STAM: variants seen among roughly 807,000 people sequenced by gnomAD.
The protein encoded by STAM is signal transducing adapter molecule 1.
Under a neutral mutation model 63.4 loss-of-function variants are expected in STAM, and 16 were observed. The ratio of observed to expected loss-of-function variants is 0.25; its 90% confidence interval spans 0.17 to 0.38. The LOEUF (loss-of-function observed/expected upper bound fraction) is 0.38, where lower values mean the gene tolerates loss of function less well. Ranked by LOEUF, STAM falls within the 10% of genes least tolerant of loss-of-function variation. The pLI is 1.00. For missense variants in STAM, 636 were observed against 657.1 expected (o/e 0.97, Z 0.35); for synonymous variants, 238 against 223.9 (o/e 1.06, Z -0.56).
chr10:17,659,200 C>G (rs1171926770), intron 1 of STAM, among the ~76,000 whole-genome samples: 1 of 151,966 alleles, frequency 6.6e-6, no homozygotes, highest in Admixed American at 6.6e-5. Flanking sequence ...TGTACCACTT[C>G]ATGTGTAATG....
At chr10:17,655,742 T>A (rs959163805) in intron 1 of STAM, among the ~76,000 whole-genome samples, 9 of 152,250 alleles carry the variant, frequency 5.9e-5, no homozygotes, top group African/African-American at 2.2e-4. Context: ...ATAAGAATCT[T>A]GGTATGAGTC....
chr10:17,660,354 G>A, intron 1 of STAM, 110 bp from the exon 2 acceptor site: 1 of 647,922 alleles, frequency 1.5e-6, no homozygotes. Flanking sequence ...CAACTATTCT[G>A]ATTTGTTGTT....
rs1589009685 is a variant in STAM at position 17,644,214 on chromosome 10, G to C, written c.-126G>C. 8 of 1,041,964 alleles carry C rather than the reference G, an allele frequency of 7.7e-6. No homozygotes were observed. Among genetic ancestry groups the C allele is most frequent in the Non-Finnish European group, 1.2e-5 (8 of 687,682 alleles). 64.5% of individuals were successfully genotyped at this position (1,041,964 alleles called of 1,614,324 possible). ...GTGGGGTTGGGTGAGAGGAGGAGCTGTCGCGGACCCTGTAGAGTCGGTCTC... is the reference window on the plus strand; with the variant it reads ...GTGGGGTTGGGTGAGAGGAGGAGCTCTCGCGGACCCTGTAGAGTCGGTCTC... On this transcript the variant is annotated 5_prime_UTR_variant, in exon 1 of 14. Coordinates refer to ENST00000377524, the MANE Select transcript of STAM (RefSeq NM_003473.4).
intron 7 of STAM, 123 bp downstream of exon 7, chr10:17,695,364 A>G (rs1425890321): frequency 2.3e-5 from 20 of 872,126 alleles, no homozygotes; most frequent in Admixed American, 1.6e-4. Context: ...GCTGCTCTGT[A>G]TGACAGTTGG....
At chr10:17,667,128 AT>A (rs34207861) in intron 2 of STAM, among the ~76,000 whole-genome samples, 221 of 148,792 alleles carry the variant, frequency 1.5e-3, no homozygotes, top group African/African-American at 4.6e-3. Context: ...GAGTTAAATA[AT>A]TTTTTTTTTT....
In STAM at chr10:17,665,821, A is replaced by G. The variant is rs1834352069; in HGVS notation, c.125+5273A>G. Among the ~76,000 whole-genome samples, 5 of 151,984 alleles carry G rather than the reference A, an allele frequency of 3.3e-5. No homozygotes were observed. In the South Asian group the frequency reaches 1.0e-3, roughly 32 times the overall value. On this transcript the variant is annotated intron_variant, in intron 2 of 13. Coordinates refer to ENST00000377524, the MANE Select transcript of STAM (RefSeq NM_003473.4). ...TTGATTATACCAAACCTAAAACTTT[A>G]ACAAACATTCTGAAATTTTTTTCTA...
At chr10:17,683,217 A>G (rs781810428) in intron 2 of STAM, among the ~76,000 whole-genome samples, 19 of 152,108 alleles carry the variant, frequency 1.2e-4, no homozygotes, top group Non-Finnish European at 2.1e-4. Context: ...AGGATGGAGT[A>G]CGGTGGTGCC....
At chr10:17,694,809 T>G (rs1181155898) in intron 6 of STAM, 10 of 376,572 alleles carry the variant, frequency 2.7e-5, no homozygotes, top group African/African-American at 2.1e-4. Context: ...ACATTGTATT[T>G]GTTCAGTAAA....
chr10:17,706,630 C>A (rs111429855), intron 12 of STAM, among the ~76,000 whole-genome samples: 1 of 152,008 alleles, frequency 6.6e-6, no homozygotes. Context: ...CCACCCGCCT[C>A]GGCCTCCCAA....
At chr10:17,706,173 G>A (rs2688786) in intron 12 of STAM, among the ~76,000 whole-genome samples, 110,396 of 151,886 alleles carry the variant, frequency 0.73, 40,553 homozygotes, top group South Asian at 0.89. Flanking sequence ...AAAGTTTAAC[G>A]GAATTTTTTT....
intron 5 of STAM, among the ~76,000 whole-genome samples, chr10:17,691,542 G>A (rs1252557113): frequency 6.6e-6 from 1 of 151,862 alleles, no homozygotes; most frequent in African/African-American, 2.4e-5. Context: ...AAATGCCTGT[G>A]CATTTGTTTG....
chr10:17,685,532 T>TA (rs1835259942), intron 4 of STAM, among the ~76,000 whole-genome samples: 1 of 152,144 alleles, frequency 6.6e-6, no homozygotes, highest in African/African-American at 2.4e-5. Flanking sequence ...TAGGGGAACT[T>TA]ACACAGGAGG....
At chr10:17,708,016 G>A (rs549214789) in intron 12 of STAM, among the ~76,000 whole-genome samples, 146 of 151,946 alleles carry the variant, frequency 9.6e-4, no homozygotes, top group African/African-American at 3.2e-3. Context: ...TCAGCCTCCC[G>A]AGTAGCTGGG....
chr10:17,684,598 T>C, intron 2 of STAM, 77 bp from the exon 3 acceptor site: 3 of 1,138,974 alleles, frequency 2.6e-6, no homozygotes, highest in Non-Finnish European at 3.7e-6. Context: ...TATCGTAGTC[T>C]TTTGTCTATA....
chr10:17,675,939 A>C (rs972652668), intron 2 of STAM, among the ~76,000 whole-genome samples: 28 of 152,146 alleles, frequency 1.8e-4, no homozygotes, highest in African/African-American at 6.5e-4. Context: ...GTGGAATCAG[A>C]TTATCTGAGT....
intron 2 of STAM, among the ~76,000 whole-genome samples, chr10:17,668,339 A>G (rs1834483711): frequency 6.6e-6 from 1 of 152,262 alleles, no homozygotes; most frequent in Admixed American, 6.5e-5. Context: ...CATATTGAAC[A>G]GATAGTACAG....
intron 5 of STAM, among the ~76,000 whole-genome samples, chr10:17,690,803 T>C (rs1033767033): frequency 1.2e-4 from 19 of 152,234 alleles, no homozygotes; most frequent in Admixed American, 6.5e-5. Flanking sequence ...CTGTTAGCAC[T>C]AACTTTTGAT....
chr10:17,683,214 A>T (rs1306927746), intron 2 of STAM, among the ~76,000 whole-genome samples: 1 of 152,060 alleles, frequency 6.6e-6, no homozygotes, highest in Non-Finnish European at 1.5e-5. Flanking sequence ...CTCAGGATGG[A>T]GTACGGTGGT....
At chr10:17,699,756 C>G (rs1355199009) in intron 8 of STAM, among the ~76,000 whole-genome samples, 1 of 152,140 alleles carries the variant, frequency 6.6e-6, no homozygotes, top group Admixed American at 6.5e-5. Context: ...TGTGGATTTT[C>G]TGTCAAACCA....
Sources: gnomAD v4.1 joint callset for allele counts (sites outside exome capture counted in the v4.1 genomes callset) on GRCh38, gnomAD v4.1.1 for gene constraint, MANE v1.5 for transcripts, NCBI Gene and HGNC (gene_info 2026-07-23, HGNC 2026-07-21) for gene names.